The following CTCF variants were observed in gnomAD, a reference collection of about 807,000 sequenced individuals.
CTCF encodes the protein transcriptional repressor CTCF.
A neutral mutation model predicts 72.3 loss-of-function variants in CTCF; 7 were observed. The ratio of observed to expected loss-of-function variants is 0.10; its 90% CI spans 0.06 to 0.18. CTCF has a LOEUF of 0.18. CTCF is among the 10% of genes least tolerant of loss of function. The pLI is 1.00. For missense variants in CTCF, 516 were observed against 949.1 expected, an observed-to-expected ratio of 0.54 and a Z score of 6.00; for synonymous variants, 374 against 315.8, an observed-to-expected ratio of 1.18 and a Z score of -1.95.
chr16:67,563,471 C>T (rs1034447895), intron 1 of CTCF: 2 of 152,178 alleles, frequency 1.3e-5, no homozygotes, highest in Non-Finnish European at 2.9e-5. Context: ...CTGAGCTGCT[C>T]GCACCTCTAC....
At chr16:67,588,575 C>T (rs2051698445) in intron 2 of CTCF, among the ~76,000 whole-genome samples, 2 of 152,136 alleles carry the variant, frequency 1.3e-5, no homozygotes, top group Non-Finnish European at 2.9e-5. Context: ...AGGCAGCCTC[C>T]TGTTGGTACT....
chr16:67,590,195 TTTA>T (rs1315812649), intron 2 of CTCF, among the ~76,000 whole-genome samples: 1 of 152,080 alleles, frequency 6.6e-6, no homozygotes, highest in East Asian at 1.9e-4. Flanking sequence ...TTGTCTAGCC[TTTA>T]TTATTCTTTG....
intron 2 of CTCF, among the ~76,000 whole-genome samples, chr16:67,576,766 G>A (rs935601773): frequency 5.9e-5 from 9 of 151,974 alleles, no homozygotes; most frequent in Admixed American, 2.6e-4. Flanking sequence ...TCCTGACCTC[G>A]TAATCCGCCT....
At chr16:67,606,016 A>G (rs1406890423) in intron 2 of CTCF, among the ~76,000 whole-genome samples, 3 of 152,176 alleles carry the variant, frequency 2.0e-5, no homozygotes, top group Non-Finnish European at 4.4e-5. Context: ...TGAGGAAATT[A>G]AGTCTTCTTC....
intron 10 of CTCF, among the ~76,000 whole-genome samples, chr16:67,632,297 A>G (rs551285650): frequency 2.0e-5 from 3 of 152,200 alleles, no homozygotes; most frequent in Non-Finnish European, 2.9e-5. Context: ...CAGGAAGACC[A>G]GCTTCTTTCC....
At chr16:67,599,659 C>G (rs994274699) in intron 2 of CTCF, among the ~76,000 whole-genome samples, 3 of 152,122 alleles carry the variant, frequency 2.0e-5, no homozygotes, top group Admixed American at 6.6e-5. Flanking sequence ...ATTTTTTTAT[C>G]TAAGCTTCAC....
rs2142862786 is a variant in CTCF, at chr16:67,626,704, G to A, written c.1507G>A (p.Ala503Thr). 6.8e-7 allele frequency: 1 copy of A among 1,463,440 alleles called. No individual in the cohort carries two copies. The highest frequency in any genetic ancestry group is 9.1e-7 in the Non-Finnish European group (1 of 1,099,098). The allele number at this position is 1,463,440 out of a possible 1,614,324, so 90.7% of individuals were successfully genotyped here. A position where few individuals can be genotyped will look rare whatever the true frequency, so the allele number is the denominator to read the frequency against. The change falls in exon 8 of 12, where the codon GCT (alanine) becomes ACT (threonine). Residue 503 changes from alanine to threonine, a missense_variant. This residue lies in a region of CTCF where 81 missense variants were observed against 184.3 expected (regional missense o/e 0.44). Coordinates refer to ENST00000264010, the MANE Select transcript of CTCF (RefSeq NM_006565.4). ...KRFKCDQCDYACRQERHMIMH... is the reference protein window; with the variant it reads ...KRFKCDQCDYTCRQERHMIMH... ...CTTTAAGTGTGACCAGTGTGATTAC[G>A]CTTGTAGACAGGTAGGAACCTTCAT... is the stretch of plus-strand genomic sequence containing the variant.
chr16:67,628,608 C>T, intron 9 of CTCF, 56 bp downstream of exon 9: 2 of 1,558,510 alleles, frequency 1.3e-6, no homozygotes, highest in Admixed American at 1.7e-5. Flanking sequence ...GATTTTTGGT[C>T]TTCCTCTGCA....
chr16:67,607,422 C>T (rs575625461), intron 2 of CTCF, among the ~76,000 whole-genome samples: 1 of 152,186 alleles, frequency 6.6e-6, no homozygotes, highest in East Asian at 1.9e-4. Flanking sequence ...TTTCGTGCCT[C>T]AGCCTCCCAA....
chr16:67,599,422 G>A (rs1050544773), intron 2 of CTCF, among the ~76,000 whole-genome samples: 4 of 151,980 alleles, frequency 2.6e-5, no homozygotes, highest in African/African-American at 9.7e-5. Flanking sequence ...TGAAGCAAGA[G>A]GAGGAAGAAC....
In CTCF at chr16:67,629,436, A is replaced by C; in HGVS notation, c.1740A>C (p.Pro580=). Residue 580 remains proline, a synonymous_variant, in exon 10 of 12, where the codon CCA becomes CCC. Transcript: ENST00000264010. The part of the protein sequence containing the change: ...MARHADNCAG[P]DGVEGENGGE... ...GACATGCTGATAATTGTGCTGGCCCAGATGGCGTAGAGGGGGAAAATGGAG... is the reference window on the plus strand; with the variant it reads ...GACATGCTGATAATTGTGCTGGCCCCGATGGCGTAGAGGGGGAAAATGGAG... 6.2e-7 allele frequency: 1 copy of C among 1,610,440 alleles called. No homozygotes were observed. The highest frequency in any genetic ancestry group is 8.5e-7 in the Non-Finnish European group (1 of 1,178,354).
chr16:67,585,655 GTTTA>G (rs1455490309), intron 2 of CTCF, among the ~76,000 whole-genome samples: 1 of 151,982 alleles, frequency 6.6e-6, no homozygotes, highest in Non-Finnish European at 1.5e-5. Flanking sequence ...ACTACTTTTT[GTTTA>G]TTTGCTTAAA....
intron 2 of CTCF, among the ~76,000 whole-genome samples, chr16:67,597,216 A>G (rs1023522740): frequency 6.6e-6 from 1 of 151,938 alleles, no homozygotes; most frequent in African/African-American, 2.4e-5. Context: ...TTGTATTTTT[A>G]GTATTGATGG....
At chr16:67,629,746 CTTTTTTTTTTTTTTTTTT>C (rs71145978) in intron 10 of CTCF, among the ~76,000 whole-genome samples, 29 of 63,352 alleles carry the variant, frequency 4.6e-4, no homozygotes, top group African/African-American at 1.3e-3. Context: ...CATTAATGCC[CTTTTTTTTTTTTTTTTTT>C]TTTTTTTTTT....
At chr16:67,596,653 C>G (rs1170770051) in intron 2 of CTCF, among the ~76,000 whole-genome samples, 1 of 151,902 alleles carries the variant, frequency 6.6e-6, no homozygotes. Context: ...GGCACGATCT[C>G]GGCTCACTGC....
intron 2 of CTCF, among the ~76,000 whole-genome samples, chr16:67,581,041 G>A (rs2051573648): frequency 6.6e-6 from 1 of 152,090 alleles, no homozygotes; most frequent in Non-Finnish European, 1.5e-5. Context: ...CCATTCTCCT[G>A]CCTCAGCCTC....
At position 67,629,746 on chromosome 16, in the gene CTCF, C is replaced by CTTTTTTTTT. The variant is rs71145978; in HGVS notation, c.1837+251_1837+259dup. On this transcript the variant is annotated intron_variant, in intron 10 of 11. Coordinates refer to ENST00000264010, the MANE Select transcript of CTCF (RefSeq NM_006565.4). Reference sequence around the variant, plus strand: ...TCGTGGCATTCCGCTCATTAATGCCCTTTTTTTTTTTTTTTTTTTTTTTTT... The same window carrying CTTTTTTTTT: ...TCGTGGCATTCCGCTCATTAATGCCCTTTTTTTTTTTTTTTTTTTTTTTTTTTTTTTTTT... Among the ~76,000 whole-genome samples, 21 of 63,364 alleles carry CTTTTTTTTT rather than the reference C, an allele frequency of 3.3e-4. 7 individuals are homozygous for CTTTTTTTTT. Among genetic ancestry groups the CTTTTTTTTT allele is most frequent in the East Asian group, 1.1e-3 (2 of 1,868 alleles). 41.6% of individuals were successfully genotyped at this position (63,364 alleles called of 152,430 possible). A position where few individuals can be genotyped will look rare whatever the true frequency, so the allele number is the denominator to read the frequency against.
At chr16:67,573,146 G>T (rs1034854743) in intron 2 of CTCF, among the ~76,000 whole-genome samples, 1 of 151,948 alleles carries the variant, frequency 6.6e-6, no homozygotes, top group African/African-American at 2.4e-5. Context: ...CAGTTTCTCG[G>T]GAGGCTGAGG....
chr16:67,603,590 C>T (rs1401776924), intron 2 of CTCF, among the ~76,000 whole-genome samples: 1 of 151,064 alleles, frequency 6.6e-6, no homozygotes, highest in East Asian at 2.0e-4. Flanking sequence ...TTTGGGAGGC[C>T]AAGGCGGGCG....
Sources: allele counts gnomAD v4.1 joint callset (sites outside exome capture counted in the v4.1 genomes callset), GRCh38; gene constraint gnomAD v4.1.1; regional missense constraint gnomAD v4.1.1; transcripts MANE v1.5; gene names NCBI Gene and HGNC (gene_info 2026-07-23, HGNC 2026-07-21).